MOSMO: variants seen among roughly 807,000 people sequenced by gnomAD.
MOSMO encodes the protein modulator of smoothened.
MOSMO carries 5 observed loss-of-function variants against 18.4 expected under a neutral mutation model. The observed-to-expected ratio is 0.27, with a 90% CI of 0.14 to 0.57. The LOEUF (loss-of-function observed/expected upper bound fraction) is 0.57, where lower values mean the gene tolerates loss of function less well. Ranked by LOEUF, MOSMO falls within the 20% of genes least tolerant of loss-of-function variation. The pLI is 0.92. For missense variants in MOSMO, 138 were observed against 211.8 expected (o/e 0.65, Z 2.16); for synonymous variants, 82 against 82.3 (o/e 1.00, Z 0.02).
chr16:22,008,522 AG>A, intron 1 of MOSMO, 115 bp downstream of exon 1: 1 of 622,500 alleles, frequency 1.6e-6, no homozygotes, highest in Non-Finnish European at 2.5e-6. Context: ...GGCTAGCCTG[AG>A]GAGACCGGGG....
At chr16:22,008,485 A>T in intron 1 of MOSMO, 78 bp downstream of exon 1, 1 of 934,558 alleles carries the variant, frequency 1.1e-6, no homozygotes, top group Non-Finnish European at 1.5e-6. Flanking sequence ...GACTGAGGAG[A>T]GGACGGGGTG....
At chr16:22,058,377 G>A (rs1160918782) in intron 1 of MOSMO, among the ~76,000 whole-genome samples, 8 of 147,910 alleles carry the variant, frequency 5.4e-5, no homozygotes. Flanking sequence ...AGTGAGCCGA[G>A]ATCGCGCCAC....
At chr16:22,064,526 A>G in intron 1 of MOSMO, 1 of 430,424 alleles carries the variant, frequency 2.3e-6, no homozygotes, top group Non-Finnish European at 4.8e-6. Context: ...ATTGTAATTT[A>G]AATTCCATTT....
chr16:22,061,883 G>T (rs1900651448), intron 1 of MOSMO, among the ~76,000 whole-genome samples: 1 of 152,156 alleles, frequency 6.6e-6, no homozygotes, highest in African/African-American at 2.4e-5. Flanking sequence ...AAATTGGGGA[G>T]ATATCACCTT....
intron 1 of MOSMO, among the ~76,000 whole-genome samples, chr16:22,041,798 C>T (rs1900215313): frequency 6.6e-6 from 1 of 151,934 alleles, no homozygotes; most frequent in African/African-American, 2.4e-5. Flanking sequence ...CCTCATATTC[C>T]TTAGTAGCTG....
At position 22,026,229 on chromosome 16, in the gene MOSMO, T is replaced by G. The variant is rs185928662; in HGVS notation, c.106+17822T>G. Reference sequence around the variant, plus strand: ...AGAATTGCATTCTTTTTTTTTTTTTTTTTTTTGGAGACAGGATCTCACTCT... The same window carrying G: ...AGAATTGCATTCTTTTTTTTTTTTTGTTTTTTGGAGACAGGATCTCACTCT... On this transcript the variant is annotated intron_variant, in intron 1 of 2. Transcript: ENST00000542527. Among the ~76,000 whole-genome samples the G allele has an allele frequency of 1.5e-3, 222 of 150,084 alleles. 1 individual carries two copies. The highest frequency in any genetic ancestry group is 5.3e-3 in the African/African-American group (216 of 40,806).
At chr16:22,056,333 GT>G (rs1295313578) in intron 1 of MOSMO, among the ~76,000 whole-genome samples, 1 of 137,404 alleles carries the variant, frequency 7.3e-6, no homozygotes, top group Non-Finnish European at 1.6e-5. Flanking sequence ...AGTTTCTCTT[GT>G]CGCTTCCTTT....
At chr16:22,070,909 T>C (rs982606716) in intron 1 of MOSMO, among the ~76,000 whole-genome samples, 5 of 152,152 alleles carry the variant, frequency 3.3e-5, no homozygotes, top group African/African-American at 1.2e-4. Context: ...TCTTTCCCCT[T>C]CCTGCTCCCC....
At position 22,079,750 on chromosome 16, in the gene MOSMO, G is replaced by T. The variant is rs990056488; in HGVS notation, c.320-946G>T. Among the ~76,000 whole-genome samples the T allele has an allele frequency of 3.3e-5, 5 of 152,002 alleles. 1 individual carries two copies. Among genetic ancestry groups the T allele is most frequent in the Admixed American group, 3.3e-4 (5 of 15,242 alleles). ...ACTTTACTAATCCCAGAGATCTGAG[G>T]TTATTTCTACTAGCTGGTTTTATTT... On this transcript the variant is annotated intron_variant, in intron 2 of 2. Coordinates refer to ENST00000542527, the MANE Select transcript of MOSMO (RefSeq NM_001164579.2).
intron 1 of MOSMO, among the ~76,000 whole-genome samples, chr16:22,035,182 T>C (rs1322368223): frequency 6.6e-6 from 1 of 152,016 alleles, no homozygotes; most frequent in Admixed American, 6.6e-5. Flanking sequence ...AGTCTTTGAG[T>C]GAGCCTGTGC....
chr16:22,036,576 T>A (rs1861137230), intron 1 of MOSMO, among the ~76,000 whole-genome samples: 1 of 152,094 alleles, frequency 6.6e-6, no homozygotes, highest in South Asian at 2.1e-4. Flanking sequence ...GCCCCACGAG[T>A]AGCTCGGACT....
At chr16:22,062,717 G>T (rs1357987220) in intron 1 of MOSMO, among the ~76,000 whole-genome samples, 1 of 152,118 alleles carries the variant, frequency 6.6e-6, no homozygotes, top group Non-Finnish European at 1.5e-5. Flanking sequence ...CATTTGTTCT[G>T]AGTGCTCTGT....
At position 22,083,412 on chromosome 16, in the gene MOSMO, C is replaced by T. The variant is rs1330729912; in HGVS notation, c.*2532C>T. 1.2e-5 allele frequency: 3 copies of T among 244,150 alleles called. No homozygotes were observed. Among genetic ancestry groups the T allele is most frequent in the South Asian group, 4.7e-5 (1 of 21,296 alleles). The allele number at this position is 244,150 out of a possible 1,614,324, so 15.1% of individuals were successfully genotyped here. A position where few individuals can be genotyped will look rare whatever the true frequency, so the allele number is the denominator to read the frequency against. On this transcript the variant is annotated 3_prime_UTR_variant, in exon 3 of 3. Transcript: ENST00000542527. Reference sequence around the variant, plus strand: ...GCACTCTAACCCAGGATTAAACCATCCCATCAAGTAGTATGTGAAGTCAAG... The same window carrying T: ...GCACTCTAACCCAGGATTAAACCATTCCATCAAGTAGTATGTGAAGTCAAG...
At chr16:22,039,019 T>G (rs539158292) in intron 1 of MOSMO, among the ~76,000 whole-genome samples, 1 of 152,330 alleles carries the variant, frequency 6.6e-6, no homozygotes, top group South Asian at 2.1e-4. Context: ...TTACTTAACC[T>G]TCTCTCAGCT....
chr16:22,022,795 G>T lies in MOSMO; in HGVS notation c.106+14388G>T, dbSNP rs942719641. On this transcript the variant is annotated intron_variant, in intron 1 of 2. Coordinates refer to ENST00000542527, the MANE Select transcript of MOSMO (RefSeq NM_001164579.2). ...TTTGTGCTATATGAAGATACAGTGA[G>T]AATTTACCAGTTTGCAACCTAGAAG... is the stretch of plus-strand genomic sequence containing the variant. 2.6e-5 allele frequency among the ~76,000 whole-genome samples: 4 copies of T among 152,188 alleles called. No homozygotes were observed. The South Asian group carries it at 8.3e-4, about 32-fold the overall frequency.
chr16:22,028,749 T>C (rs919313509), intron 1 of MOSMO, among the ~76,000 whole-genome samples: 2 of 152,250 alleles, frequency 1.3e-5, no homozygotes, highest in East Asian at 1.9e-4. Context: ...CCAAAGGTGA[T>C]GTAAATTACA....
At chr16:22,027,475 G>A (rs949194798) in intron 1 of MOSMO, among the ~76,000 whole-genome samples, 2 of 152,130 alleles carry the variant, frequency 1.3e-5, no homozygotes, top group Non-Finnish European at 2.9e-5. Flanking sequence ...CTGTTACTGA[G>A]TTTCCTTATT....
chr16:22,091,292 A>C (rs1901316007), downstream of MOSMO, among the ~76,000 whole-genome samples: 1 of 152,186 alleles, frequency 6.6e-6, no homozygotes, highest in Non-Finnish European at 1.5e-5. Context: ...TATTTTGAGC[A>C]CGTTGGTTGT....
intron 1 of MOSMO, among the ~76,000 whole-genome samples, chr16:22,074,931 A>G (rs1016721414): frequency 6.6e-6 from 1 of 152,136 alleles, no homozygotes; most frequent in African/African-American, 2.4e-5. Flanking sequence ...TTATACTGTA[A>G]TATTCTTAGA....
Sources: allele counts gnomAD v4.1 joint callset (sites outside exome capture counted in the v4.1 genomes callset), GRCh38; gene constraint gnomAD v4.1.1; transcripts MANE v1.5; gene names NCBI Gene and HGNC (gene_info 2026-07-23, HGNC 2026-07-21).